ARHGAP24: variants seen among roughly 807,000 people sequenced by gnomAD.
ARHGAP24 encodes the protein rho GTPase-activating protein 24.
ARHGAP24 carries 50 observed loss-of-function variants against 76.4 expected under a neutral mutation model. The observed-to-expected ratio is 0.65, with a 90% CI of 0.52 to 0.83. The LOEUF is 0.83. Among genes scored for constraint, ARHGAP24 ranks in the 40% least tolerant of loss-of-function variants. The probability of loss-of-function intolerance (pLI) is 0.00; values close to 1 mark genes in which losing one functional copy is unlikely to be tolerated. For missense variants in ARHGAP24, 930 were observed against 914.2 expected (o/e 1.02, Z -0.22); for synonymous variants, 345 against 323.3 (o/e 1.07, Z -0.72).
intron 1 of ARHGAP24, among the ~76,000 whole-genome samples, chr4:85,547,233 C>T (rs1234490091): frequency 6.6e-6 from 1 of 152,116 alleles, no homozygotes; most frequent in African/African-American, 2.4e-5. Context: ...GGGACAGTTC[C>T]TCACCTTTCT....
In ARHGAP24 at chr4:85,485,444, A is replaced by T. The variant is rs76641804; in HGVS notation, c.-21+9885A>T. 6.4e-3 allele frequency among the ~76,000 whole-genome samples: 766 copies of T among 120,084 alleles called. 5 individuals are homozygous for T. Among genetic ancestry groups the T allele is most frequent in the African/African-American group, 0.023 (731 of 31,840 alleles). 78.8% of individuals were successfully genotyped at this position (120,084 alleles called of 152,430 possible). On this transcript the variant is annotated intron_variant, in intron 1 of 9. Coordinates refer to ENST00000395184, the MANE Select transcript of ARHGAP24 (RefSeq NM_001025616.3). ...TTGGATTTTTAAAATGTAGGCTTTCAGTAGGTATATATATTAACTGTATGT... is the reference window on the plus strand; with the variant it reads ...TTGGATTTTTAAAATGTAGGCTTTCTGTAGGTATATATATTAACTGTATGT...
At chr4:85,668,429 G>T (rs1224485855) in intron 2 of ARHGAP24, among the ~76,000 whole-genome samples, 1 of 152,212 alleles carries the variant, frequency 6.6e-6, no homozygotes, top group East Asian at 1.9e-4. Context: ...CAAGGATCTG[G>T]TGGTAAAAAT....
intron 1 of ARHGAP24, among the ~76,000 whole-genome samples, chr4:85,505,516 C>T (rs1724007801): frequency 6.6e-6 from 1 of 152,182 alleles, no homozygotes; most frequent in Non-Finnish European, 1.5e-5. Context: ...ATCAAATTGG[C>T]TATTGAAGCT....
At chr4:85,959,674 C>T (rs1738131561) in intron 5 of ARHGAP24, among the ~76,000 whole-genome samples, 1 of 152,120 alleles carries the variant, frequency 6.6e-6, no homozygotes, top group Non-Finnish European at 1.5e-5. Flanking sequence ...CGTGTACAAG[C>T]TTTTGTGTAG....
At chr4:85,797,802 T>G (rs1728425965) in intron 3 of ARHGAP24, among the ~76,000 whole-genome samples, 1 of 152,216 alleles carries the variant, frequency 6.6e-6, no homozygotes, top group Non-Finnish European at 1.5e-5. Flanking sequence ...TTGACCTCAT[T>G]AGATATTATG....
chr4:85,828,701 G>A (rs939587804), intron 3 of ARHGAP24, among the ~76,000 whole-genome samples: 5 of 152,080 alleles, frequency 3.3e-5, no homozygotes, highest in Admixed American at 1.3e-4. Context: ...ACATGGGAAC[G>A]CAGAGTATTA....
chr4:85,717,804 C>T (rs1156339458), intron 2 of ARHGAP24, among the ~76,000 whole-genome samples: 2 of 152,088 alleles, frequency 1.3e-5, no homozygotes, highest in East Asian at 1.9e-4. Context: ...TACTGTCACA[C>T]TCATTTGTTT....
intron 4 of ARHGAP24, chr4:85,930,916 C>T: frequency 1.2e-6 from 2 of 1,613,728 alleles, no homozygotes; most frequent in Non-Finnish European, 1.7e-6. Flanking sequence ...GGGTTCAGAA[C>T]TTCAGGCCTG....
At chr4:85,973,856 TTTTTG>T (rs1217316873) in intron 6 of ARHGAP24, among the ~76,000 whole-genome samples, 1 of 142,022 alleles carries the variant, frequency 7.0e-6, no homozygotes, top group African/African-American at 2.7e-5. Context: ...TTTTTTTTTT[TTTTTG>T]AGACAGAGTC....
At chr4:85,777,623 G>T (rs553149661) in intron 3 of ARHGAP24, among the ~76,000 whole-genome samples, 1 of 152,262 alleles carries the variant, frequency 6.6e-6, no homozygotes, top group East Asian at 1.9e-4. Flanking sequence ...TACAGAAGTA[G>T]TCATAGAGAA....
chr4:85,916,963 C>T (rs1553942324), intron 3 of ARHGAP24, among the ~76,000 whole-genome samples: 1 of 151,890 alleles, frequency 6.6e-6, no homozygotes, highest in Non-Finnish European at 1.5e-5. Flanking sequence ...GCACGATGTG[C>T]AGGTTAGTTA....
At chr4:85,743,366 T>C (rs1208531237) in intron 3 of ARHGAP24, among the ~76,000 whole-genome samples, 1 of 126,940 alleles carries the variant, frequency 7.9e-6, no homozygotes, top group African/African-American at 3.1e-5. Flanking sequence ...CCCAGCACTT[T>C]AAGACGCCAA....
intron 2 of ARHGAP24, among the ~76,000 whole-genome samples, chr4:85,594,708 C>T (rs903138691): frequency 6.6e-6 from 1 of 152,072 alleles, no homozygotes; most frequent in Non-Finnish European, 1.5e-5. Flanking sequence ...ATTCTTTCTA[C>T]AGTATGTGGC....
intron 8 of ARHGAP24, among the ~76,000 whole-genome samples, chr4:85,984,231 T>C (rs1739852173): frequency 6.6e-6 from 1 of 152,106 alleles, no homozygotes; most frequent in African/African-American, 2.4e-5. Flanking sequence ...AAAAGAAATA[T>C]AGATTGGTAA....
intron 1 of ARHGAP24, among the ~76,000 whole-genome samples, chr4:85,477,611 G>T (rs1722649120): frequency 6.6e-6 from 1 of 152,188 alleles, no homozygotes. Flanking sequence ...AGGGTGAAGG[G>T]TAAGGAGTGG....
chr4:85,655,792 T>TAGAGAGAGAGAGAG (rs1248907720), intron 2 of ARHGAP24, among the ~76,000 whole-genome samples: 1 of 37,702 alleles, frequency 2.7e-5, no homozygotes, highest in African/African-American at 1.6e-4. Flanking sequence ...TATATATATA[T>TAGAGAGAGAGAGAG]AGAGAGAGAG....
At chr4:85,896,432 C>T (rs1392379381) in intron 3 of ARHGAP24, among the ~76,000 whole-genome samples, 1 of 152,096 alleles carries the variant, frequency 6.6e-6, no homozygotes, top group Admixed American at 6.5e-5. Context: ...TTCTGCAATC[C>T]CATGCTGGGA....
chr4:85,871,559 A>G (rs1337827667), intron 3 of ARHGAP24, among the ~76,000 whole-genome samples: 2 of 152,170 alleles, frequency 1.3e-5, no homozygotes, highest in African/African-American at 2.4e-5. Context: ...TATACCCAAT[A>G]CAACTTCCCC....
intron 5 of ARHGAP24, among the ~76,000 whole-genome samples, chr4:85,968,849 G>A (rs1282571259): frequency 6.6e-6 from 1 of 151,950 alleles, no homozygotes; most frequent in African/African-American, 2.4e-5. Context: ...TTAAATCTTA[G>A]CCTTTAAGCA....
Sources: gnomAD v4.1 joint callset for allele counts (sites outside exome capture counted in the v4.1 genomes callset) on GRCh38, gnomAD v4.1.1 for gene constraint, MANE v1.5 for transcripts, NCBI Gene and HGNC (gene_info 2026-07-23, HGNC 2026-07-21) for gene names.